The following ANAPC1 variants were observed in gnomAD, a reference collection of about 807,000 sequenced individuals.
ANAPC1 encodes the protein anaphase promoting complex subunit 1, also known as anaphase-promoting complex subunit 1.
In ANAPC1, 36 loss-of-function variants were observed where a neutral mutation model predicts 208.0. The ratio of observed to expected loss-of-function variants is 0.17; its 90% CI spans 0.13 to 0.23. The LOEUF (loss-of-function observed/expected upper bound fraction) is 0.23. Ranked by LOEUF, ANAPC1 falls within the 10% of genes least tolerant of loss-of-function variation. The pLI is 1.00. For synonymous variants in ANAPC1, 378 were observed against 695.2 expected, an observed-to-expected ratio of 0.54 and a Z score of 7.18; for missense variants, 942 against 2,011.6, an observed-to-expected ratio of 0.47 and a Z score of 10.17.
intron 6 of ANAPC1, among the ~76,000 whole-genome samples, chr2:111,869,496 C>T (rs1188118400): frequency 3.3e-5 from 5 of 152,194 alleles, no homozygotes; most frequent in South Asian, 4.1e-4. Flanking sequence ...CCACTCGCCT[C>T]GGCCTCCCAA....
At chr2:111,771,670 C>T (rs1676745636) in intron 47 of ANAPC1, among the ~76,000 whole-genome samples, 2 of 151,054 alleles carry the variant, frequency 1.3e-5, no homozygotes, top group South Asian at 4.2e-4. Flanking sequence ...AACCAGAAGT[C>T]TCTAGATAGT....
At chr2:111,817,722 T>A (rs1679312754) in intron 27 of ANAPC1, among the ~76,000 whole-genome samples, 1 of 142,116 alleles carries the variant, frequency 7.0e-6, no homozygotes, top group African/African-American at 2.6e-5. Flanking sequence ...ATATATTATG[T>A]ACTATTTATC....
intron 38 of ANAPC1, among the ~76,000 whole-genome samples, chr2:111,791,110 G>C (rs1677852093): frequency 6.6e-6 from 1 of 152,022 alleles, no homozygotes; most frequent in African/African-American, 2.4e-5. Context: ...ATAAAAACTG[G>C]GTAGCAAGAG....
At chr2:111,796,620 C>T (rs550822963) in intron 34 of ANAPC1, among the ~76,000 whole-genome samples, 2,121 of 148,444 alleles carry the variant, frequency 0.014, 44 homozygotes, top group African/African-American at 0.051. Flanking sequence ...CGTGAGTAAC[C>T]GCACCCTGTA....
chr2:111,873,704 CT>C (rs771904909), intron 3 of ANAPC1, 40 bp from the exon 4 acceptor site: 1 of 1,539,826 alleles, frequency 6.5e-7, no homozygotes, highest in South Asian at 1.3e-5. Context: ...AAAATTATAT[CT>C]AAATAATCAT....
intron 28 of ANAPC1, among the ~76,000 whole-genome samples, chr2:111,810,433 G>A (rs1319742739): frequency 6.6e-6 from 1 of 152,100 alleles, no homozygotes; most frequent in Non-Finnish European, 1.5e-5. Context: ...AAAAACCACT[G>A]TACCACATAC....
intron 10 of ANAPC1, among the ~76,000 whole-genome samples, chr2:111,861,119 A>G (rs1220530315): frequency 6.6e-6 from 1 of 152,156 alleles, no homozygotes; most frequent in African/African-American, 2.4e-5. Flanking sequence ...TCTGTTGCCC[A>G]AGCTGGAGTG....
At chr2:111,882,243 C>T (rs1240660678) in intron 1 of ANAPC1, among the ~76,000 whole-genome samples, 1 of 151,512 alleles carries the variant, frequency 6.6e-6, no homozygotes, top group Non-Finnish European at 1.5e-5. Flanking sequence ...GGGAGGCTGA[C>T]TTGAAGTTTC....
intron 19 of ANAPC1, among the ~76,000 whole-genome samples, chr2:111,834,037 G>A (rs546426028): frequency 1.4e-4 from 22 of 152,274 alleles, no homozygotes; most frequent in Middle Eastern, 3.4e-3. Context: ...GTGTTGAAAC[G>A]TATTATTAGA....
chr2:111,865,545 T>C (rs573893030), intron 7 of ANAPC1, among the ~76,000 whole-genome samples: 17 of 152,350 alleles, frequency 1.1e-4, no homozygotes, highest in African/African-American at 3.6e-4. Context: ...AATATGATTC[T>C]ATAATCATAA....
chr2:111,854,934 A>G (rs1168581157), intron 13 of ANAPC1, among the ~76,000 whole-genome samples: 3 of 152,162 alleles, frequency 2.0e-5, no homozygotes, highest in Non-Finnish European at 4.4e-5. Flanking sequence ...CTCTGCATGC[A>G]CAAGTTGGCT....
At chr2:111,848,438 G>A (rs935643228) in intron 14 of ANAPC1, among the ~76,000 whole-genome samples, 1 of 151,494 alleles carries the variant, frequency 6.6e-6, no homozygotes, top group Non-Finnish European at 1.5e-5. Context: ...AGCTAAGAGG[G>A]AGAGAAGCCA....
intron 16 of ANAPC1, 128 bp from the exon 17 acceptor site, chr2:111,843,727 A>AT (rs1680895699): frequency 1.5e-6 from 1 of 682,874 alleles, no homozygotes; most frequent in Non-Finnish European, 2.4e-6. Context: ...CTGTCATTAA[A>AT]GAGCCAATGA....
At chr2:111,831,846 A>AATG (rs4019125) in intron 20 of ANAPC1, among the ~76,000 whole-genome samples, 1 of 88,262 alleles carries the variant, frequency 1.1e-5, no homozygotes. Flanking sequence ...AAAAAAAAAA[A>AATG]GAATAACGTT....
At chr2:111,819,941 T>C (rs1038589827) in intron 26 of ANAPC1, among the ~76,000 whole-genome samples, 4 of 152,246 alleles carry the variant, frequency 2.6e-5, no homozygotes, top group Admixed American at 6.5e-5. Context: ...CAAGAGGCTG[T>C]TGCAACCCAT....
intron 6 of ANAPC1, among the ~76,000 whole-genome samples, chr2:111,870,135 G>T (rs147180178): frequency 6.6e-6 from 1 of 152,216 alleles, no homozygotes; most frequent in East Asian, 1.9e-4. Context: ...CACTTAGGCT[G>T]CTTCCTTATC....
At chr2:111,841,002 C>G (rs1443807754) in intron 17 of ANAPC1, among the ~76,000 whole-genome samples, 1 of 152,168 alleles carries the variant, frequency 6.6e-6, no homozygotes, top group East Asian at 1.9e-4. Context: ...AGGATAGCGC[C>G]ACTGCATTCC....
At chr2:111,823,353 T>C (rs1304737700) in intron 24 of ANAPC1, among the ~76,000 whole-genome samples, 1 of 152,092 alleles carries the variant, frequency 6.6e-6, no homozygotes. Flanking sequence ...CCAATGGTAG[T>C]GTAAACTGGT....
At chr2:111,856,929 C>T (rs780541011) in intron 11 of ANAPC1, 43 bp from the exon 12 acceptor site, 15 of 1,454,396 alleles carry the variant, frequency 1.0e-5, no homozygotes, top group Non-Finnish European at 1.3e-5. Flanking sequence ...ATGCAACAAC[C>T]TGTATGGGTA....
Sources: gnomAD v4.1 joint callset for allele counts (sites outside exome capture counted in the v4.1 genomes callset) on GRCh38, gnomAD v4.1.1 for gene constraint, MANE v1.5 for transcripts, NCBI Gene and HGNC (gene_info 2026-07-23, HGNC 2026-07-21) for gene names.